The following COL22A1 variants were observed in gnomAD, a reference collection of about 807,000 sequenced individuals.
COL22A1 encodes the protein collagen alpha-1(XXII) chain.
A neutral mutation model predicts 248.9 loss-of-function variants in COL22A1; 221 were observed. The observed-to-expected ratio is 0.89, with a 90% CI of 0.80 to 0.99. The LOEUF is 0.99. COL22A1 is among the 50% of genes least tolerant of loss of function. The pLI, the probability that COL22A1 is intolerant of heterozygous loss-of-function variation, is 0.00. For synonymous variants in COL22A1, 891 were observed against 793.4 expected, an observed-to-expected ratio of 1.12 and a Z score of -2.07; for missense variants, 2,240 against 2,179.0, an observed-to-expected ratio of 1.03 and a Z score of -0.56.
chr8:138,803,561 G>A (rs1005568281), intron 10 of COL22A1, among the ~76,000 whole-genome samples: 8 of 152,110 alleles, frequency 5.3e-5, no homozygotes, highest in Non-Finnish European at 4.4e-5. Flanking sequence ...AAACTTCCAA[G>A]TGTCAACCAG....
At chr8:138,724,744 C>T in intron 24 of COL22A1, 76 bp from the exon 25 acceptor site, 1 of 1,448,728 alleles carries the variant, frequency 6.9e-7, no homozygotes, top group Admixed American at 1.7e-5. Context: ...TCTTTCCTGG[C>T]ATGGGCCCAG....
rs151068487 is a variant in COL22A1 at position 138,850,189 on chromosome 8, T to G, written c.659-6031A>C. On this transcript the variant is annotated intron_variant, in intron 3 of 64. Coordinates refer to ENST00000303045, the MANE Select transcript of COL22A1 (RefSeq NM_152888.3). ...TTTCTGGAGATTCCTGGCTTGCATT[T>G]CTCCTCTAGGCCAGAGTGTATCAGC... Among the ~76,000 whole-genome samples the G allele has an allele frequency of 9.4e-4, 143 of 152,210 alleles. 2 individuals are homozygous for G. Among genetic ancestry groups the G allele is most frequent in the African/African-American group, 3.3e-3 (137 of 41,536 alleles).
intron 18 of COL22A1, among the ~76,000 whole-genome samples, chr8:138,759,361 T>C (rs1214584481): frequency 6.6e-6 from 1 of 152,222 alleles, no homozygotes; most frequent in East Asian, 1.9e-4. Flanking sequence ...GAAGAAGCGA[T>C]GCTGATCGGG....
intron 43 of COL22A1, 53 bp downstream of exon 43, chr8:138,661,977 T>C: frequency 1.4e-6 from 2 of 1,445,580 alleles, no homozygotes; most frequent in South Asian, 1.3e-5. Flanking sequence ...GGGCGGGCTT[T>C]CAGGGGTCAT....
intron 3 of COL22A1, among the ~76,000 whole-genome samples, chr8:138,854,324 A>G (rs865871781): frequency 2.0e-5 from 3 of 152,302 alleles, no homozygotes; most frequent in Admixed American, 6.5e-5. Flanking sequence ...CAGAAAGGAC[A>G]AGAGGACAAG....
intron 1 of COL22A1, among the ~76,000 whole-genome samples, chr8:138,894,601 C>G (rs1879047): frequency 6.6e-6 from 1 of 152,004 alleles, no homozygotes; most frequent in African/African-American, 2.4e-5. Flanking sequence ...CTTGAGTCTA[C>G]AGCTCAGAAA....
intron 23 of COL22A1, among the ~76,000 whole-genome samples, chr8:138,734,335 G>A (rs1830942465): frequency 6.6e-6 from 1 of 152,204 alleles, no homozygotes. Context: ...CAGTTACTTA[G>A]ATTTTACGTC....
intron 12 of COL22A1, among the ~76,000 whole-genome samples, chr8:138,781,903 G>A (rs796392159): frequency 3.3e-5 from 5 of 152,302 alleles, no homozygotes; most frequent in African/African-American, 1.2e-4. Flanking sequence ...CAAATGAAGA[G>A]ATGAAACTCT....
At chr8:138,594,530 C>T (rs533976765) in intron 62 of COL22A1, among the ~76,000 whole-genome samples, 9 of 152,300 alleles carry the variant, frequency 5.9e-5, no homozygotes, top group African/African-American at 2.2e-4. Flanking sequence ...CACGGACAGC[C>T]AGGTGGCCTT....
chr8:138,630,809 C>G, intron 49 of COL22A1, 61 bp from the exon 50 acceptor site: 1 of 1,422,866 alleles, frequency 7.0e-7, no homozygotes. Context: ...CATTAGCACC[C>G]TCTGCTTTGA....
intron 43 of COL22A1, among the ~76,000 whole-genome samples, chr8:138,660,936 A>T (rs1823843070): frequency 1.0e-5 from 1 of 98,422 alleles, no homozygotes; most frequent in Non-Finnish European, 2.2e-5. Flanking sequence ...AGACACACAG[A>T]CACACACATA....
intron 3 of COL22A1, among the ~76,000 whole-genome samples, chr8:138,867,656 GAGTT>G (rs1305591429): frequency 3.3e-5 from 5 of 152,218 alleles, no homozygotes; most frequent in Non-Finnish European, 7.3e-5. Context: ...GTTATAACAA[GAGTT>G]AACCTGTGAT....
chr8:138,825,400 G>A (rs1320240165), intron 6 of COL22A1, among the ~76,000 whole-genome samples: 1 of 152,206 alleles, frequency 6.6e-6, no homozygotes, highest in Non-Finnish European at 1.5e-5. Flanking sequence ...GAACCTGAAT[G>A]ACTGGGTTCA....
At chr8:138,690,121 C>T (rs1291121295) in intron 36 of COL22A1, among the ~76,000 whole-genome samples, 1 of 152,216 alleles carries the variant, frequency 6.6e-6, no homozygotes, top group African/African-American at 2.4e-5. Context: ...TGTATAAAGG[C>T]TCAGTCCTCT....
At chr8:138,885,569 G>GTT (rs35187277) in intron 1 of COL22A1, among the ~76,000 whole-genome samples, 3 of 151,732 alleles carry the variant, frequency 2.0e-5, no homozygotes, top group South Asian at 2.1e-4. Context: ...GTATCACACA[G>GTT]TTTTTTTTGT....
intron 10 of COL22A1, among the ~76,000 whole-genome samples, chr8:138,805,659 T>C (rs1432222147): frequency 1.5e-5 from 2 of 137,702 alleles, no homozygotes; most frequent in African/African-American, 2.8e-5. Context: ...TGGTGTGTTA[T>C]GGTGTGTGTC....
intron 10 of COL22A1, among the ~76,000 whole-genome samples, chr8:138,803,297 C>T (rs557119478): frequency 1.3e-5 from 2 of 152,270 alleles, no homozygotes; most frequent in East Asian, 3.9e-4. Flanking sequence ...CCATTACTGT[C>T]TTTGGGCCTC....
chr8:138,626,352 G>A, intron 50 of COL22A1, 109 bp from the exon 51 acceptor site: 1 of 857,468 alleles, frequency 1.2e-6, no homozygotes, highest in Non-Finnish European at 1.9e-6. Flanking sequence ...AGTGTTTGGT[G>A]AGAAACAAGG....
At chr8:138,775,483 G>GTTCA (rs1814354943) in intron 16 of COL22A1, among the ~76,000 whole-genome samples, 1 of 152,210 alleles carries the variant, frequency 6.6e-6, no homozygotes, top group Admixed American at 6.5e-5. Flanking sequence ...GTGTGGGCCA[G>GTTCA]TTCACAACGT....
Sources: allele counts gnomAD v4.1 joint callset (sites outside exome capture counted in the v4.1 genomes callset), GRCh38; gene constraint gnomAD v4.1.1; transcripts MANE v1.5; gene names NCBI Gene and HGNC (gene_info 2026-07-23, HGNC 2026-07-21).